The following CCDC85A variants were observed in gnomAD, a reference collection of about 807,000 sequenced individuals.
The protein encoded by CCDC85A is coiled-coil domain containing 85A.
In CCDC85A, 38 loss-of-function variants were observed where a neutral mutation model predicts 50.2. The ratio of observed to expected loss-of-function variants is 0.76; its 90% CI spans 0.58 to 0.99. The LOEUF is 0.99. CCDC85A is among the 50% of genes least tolerant of loss of function. The probability of loss-of-function intolerance (pLI) is 0.00; values close to 1 mark genes in which losing one functional copy is unlikely to be tolerated. For synonymous variants in CCDC85A, 366 were observed against 301.4 expected (o/e 1.21, Z -2.22); for missense variants, 820 against 742.0 (o/e 1.11, Z -1.22).
intron 2 of CCDC85A, among the ~76,000 whole-genome samples, chr2:56,316,062 G>A (rs960845516): frequency 2.6e-5 from 4 of 152,076 alleles, no homozygotes; most frequent in Non-Finnish European, 5.9e-5. Context: ...GGATTCAGAC[G>A]GAATGTTGGC....
chr2:56,217,456 G>T (rs554120569), intron 2 of CCDC85A, among the ~76,000 whole-genome samples: 1 of 151,974 alleles, frequency 6.6e-6, no homozygotes, highest in African/African-American at 2.4e-5. Context: ...TTTTTTATTG[G>T]TTTTGAAGGA....
intron 2 of CCDC85A, among the ~76,000 whole-genome samples, chr2:56,209,719 G>C (rs1442017950): frequency 6.6e-6 from 1 of 152,070 alleles, no homozygotes; most frequent in East Asian, 1.9e-4. Flanking sequence ...CCAAAATACA[G>C]TGTAAGGGAA....
intron 2 of CCDC85A, among the ~76,000 whole-genome samples, chr2:56,280,572 A>G (rs1671161163): frequency 6.6e-6 from 1 of 152,162 alleles, no homozygotes; most frequent in African/African-American, 2.4e-5. Flanking sequence ...ATTAACTATA[A>G]CACATCAAAT....
intron 2 of CCDC85A, among the ~76,000 whole-genome samples, chr2:56,263,867 C>G (rs1670322571): frequency 6.6e-6 from 1 of 152,172 alleles, no homozygotes; most frequent in Non-Finnish European, 1.5e-5. Context: ...AGTCCTTGGC[C>G]TTCTTCCTTG....
rs139414592 is a variant in CCDC85A at position 56,318,926 on chromosome 2, A to G, written c.1241-23953A>G. Among the ~76,000 whole-genome samples, 414 of 152,234 alleles carry G rather than the reference A, an allele frequency of 2.7e-3. 3 individuals carry two copies. Among genetic ancestry groups the G allele is most frequent in the Middle Eastern group, 0.01 (3 of 294 alleles). ...ACAGCAGCCCATGAAAGCCAAGGAC[A>G]GGAAGCTAGTCTGAAGACTCTGTGG... is the stretch of plus-strand genomic sequence containing the variant. On this transcript the variant is annotated intron_variant, in intron 2 of 5. Coordinates refer to ENST00000407595, the MANE Select transcript of CCDC85A (RefSeq NM_001080433.2).
intron 3 of CCDC85A, among the ~76,000 whole-genome samples, chr2:56,370,080 A>G (rs944421134): frequency 6.6e-6 from 1 of 152,114 alleles, no homozygotes; most frequent in Non-Finnish European, 1.5e-5. Flanking sequence ...TTAGAAAACT[A>G]CAGAAAACAA....
intron 2 of CCDC85A, among the ~76,000 whole-genome samples, chr2:56,327,621 A>G (rs925126897): frequency 1.3e-5 from 2 of 152,132 alleles, no homozygotes; most frequent in African/African-American, 2.4e-5. Context: ...TAGTATAGTT[A>G]TTCTAATTTT....
In CCDC85A at chr2:56,193,687, A is replaced by G. The variant is rs7583026; in HGVS notation, c.1240+247A>G. 0.058 allele frequency among the ~76,000 whole-genome samples: 8,888 copies of G among 152,254 alleles called. 330 individuals carry two copies. Among genetic ancestry groups the G allele is most frequent in the East Asian group, 0.16 (847 of 5,156 alleles). On this transcript the variant is annotated intron_variant, in intron 2 of 5. Transcript: ENST00000407595. ...GAGGGTTTATGGGAGGGAGAGGAAC[A>G]GTAATTCCTTAGGACCTTGAGTTGT...
intron 3 of CCDC85A, among the ~76,000 whole-genome samples, chr2:56,364,383 A>G (rs1483627735): frequency 6.6e-6 from 1 of 152,206 alleles, no homozygotes; most frequent in Admixed American, 6.5e-5. Context: ...ACCTGGAGGA[A>G]CAGGTATTTC....
chr2:56,360,297 T>C (rs1254943517), intron 3 of CCDC85A, among the ~76,000 whole-genome samples: 1 of 152,214 alleles, frequency 6.6e-6, no homozygotes, highest in Non-Finnish European at 1.5e-5. Context: ...TCTTCACAGC[T>C]ACCACGTGAA....
intron 2 of CCDC85A, among the ~76,000 whole-genome samples, chr2:56,291,177 A>G (rs1292278879): frequency 6.6e-6 from 1 of 152,202 alleles, no homozygotes; most frequent in African/African-American, 2.4e-5. Context: ...ATAATGAGAG[A>G]ACTAAGAAAA....
chr2:56,215,757 T>C (rs1208671280), intron 2 of CCDC85A, among the ~76,000 whole-genome samples: 5 of 151,916 alleles, frequency 3.3e-5, no homozygotes, highest in Non-Finnish European at 5.9e-5. Flanking sequence ...TTGTGCTTTG[T>C]ATATTTTTGT....
intron 2 of CCDC85A, among the ~76,000 whole-genome samples, chr2:56,215,147 T>C (rs926401393): frequency 1.3e-5 from 2 of 151,938 alleles, no homozygotes; most frequent in Non-Finnish European, 2.9e-5. Flanking sequence ...AATGATACTT[T>C]TTCTTACATT....
At chr2:56,355,069 T>C (rs1007378043) in intron 3 of CCDC85A, among the ~76,000 whole-genome samples, 24 of 152,160 alleles carry the variant, frequency 1.6e-4, no homozygotes, top group Admixed American at 1.2e-3. Flanking sequence ...CTGTCTTAAG[T>C]CTAGTCCTGT....
At chr2:56,202,282 C>T (rs2103853957) in intron 2 of CCDC85A, among the ~76,000 whole-genome samples, 1 of 152,326 alleles carries the variant, frequency 6.6e-6, no homozygotes, top group East Asian at 1.9e-4. Context: ...ATGGGACACA[C>T]AGTTCACAGC....
At chr2:56,213,895 A>T (rs372536257) in intron 2 of CCDC85A, among the ~76,000 whole-genome samples, 13 of 152,054 alleles carry the variant, frequency 8.5e-5, no homozygotes, top group African/African-American at 3.1e-4. Flanking sequence ...TTTTGATAGG[A>T]TAACCCTGTA....
chr2:56,261,148 C>T (rs1670200358), intron 2 of CCDC85A, among the ~76,000 whole-genome samples: 1 of 152,172 alleles, frequency 6.6e-6, no homozygotes, highest in Non-Finnish European at 1.5e-5. Flanking sequence ...ACTTTCTCAT[C>T]TCTTAAGTGG....
At chr2:56,343,537 C>T (rs1484731634) in intron 3 of CCDC85A, among the ~76,000 whole-genome samples, 2 of 152,262 alleles carry the variant, frequency 1.3e-5, no homozygotes, top group African/African-American at 2.4e-5. Flanking sequence ...TCTTCCCATA[C>T]GTTTCACTTA....
chr2:56,248,390 G>C (rs1266394919), intron 2 of CCDC85A, among the ~76,000 whole-genome samples: 1 of 152,112 alleles, frequency 6.6e-6, no homozygotes, highest in Non-Finnish European at 1.5e-5. Flanking sequence ...CCTTGTACCA[G>C]TATGGCCTGC....
Sources: gnomAD v4.1 joint callset for allele counts (sites outside exome capture counted in the v4.1 genomes callset) on GRCh38, gnomAD v4.1.1 for gene constraint, MANE v1.5 for transcripts, NCBI Gene and HGNC (gene_info 2026-07-23, HGNC 2026-07-21) for gene names.